CEP83: variants seen among roughly 807,000 people sequenced by gnomAD.
CEP83 encodes centrosomal protein of 83 kDa.
Under a neutral mutation model 101.9 loss-of-function variants are expected in CEP83, and 70 were observed. The ratio of observed to expected loss-of-function variants is 0.69; its 90% CI spans 0.57 to 0.84. The LOEUF (loss-of-function observed/expected upper bound fraction) is 0.84, where lower values mean the gene tolerates loss of function less well. Ranked by LOEUF, CEP83 falls within the 40% of genes least tolerant of loss-of-function variation. The pLI is 0.00. For missense variants in CEP83, 715 were observed against 787.2 expected (o/e 0.91, Z 1.10); for synonymous variants, 264 against 267.9 (o/e 0.99, Z 0.14).
chr12:94,416,582 A>C (rs796177816), intron 2 of CEP83, among the ~76,000 whole-genome samples: 4,696 of 151,748 alleles, frequency 0.031, 96 homozygotes, highest in East Asian at 0.083. Context: ...ACAAAAAAAA[A>C]AAAACTGTAG....
At chr12:94,303,682 A>C (rs545618932), downstream of CEP83, 15 of 1,273,288 alleles carry the variant, frequency 1.2e-5, no homozygotes, top group East Asian at 3.4e-4. Context: ...GAATATTATA[A>C]ATTCCTCCAT....
In CEP83 at chr12:94,316,325, G is replaced by A. The variant is rs568859806; in HGVS notation, c.1708-3308C>T. On this transcript the variant is annotated intron_variant, in intron 14 of 16. Transcript: ENST00000397809. ...TAACTAGTATTTGTTACTTGACTTC[G>A]TACTTAGAAATTTTAAAAATTCATA... Among the ~76,000 whole-genome samples, 33 of 152,082 alleles carry A rather than the reference G, an allele frequency of 2.2e-4. No individual in the cohort carries two copies. In the South Asian group the frequency reaches 3.3e-3, roughly 15 times the overall value.
At chr12:94,340,621 G>C (rs1290420401) in intron 11 of CEP83, among the ~76,000 whole-genome samples, 1 of 152,136 alleles carries the variant, frequency 6.6e-6, no homozygotes, top group East Asian at 1.9e-4. Flanking sequence ...ATTTTCAGTA[G>C]AGATGGGGTT....
At chr12:94,439,764 C>T (rs2066261265) in intron 1 of CEP83, among the ~76,000 whole-genome samples, 1 of 152,064 alleles carries the variant, frequency 6.6e-6, no homozygotes, top group South Asian at 2.1e-4. Context: ...ACCAATATCC[C>T]TGATGAACAT....
chr12:94,430,959 G>A (rs1416716150), intron 2 of CEP83, among the ~76,000 whole-genome samples: 2 of 152,198 alleles, frequency 1.3e-5, no homozygotes, highest in African/African-American at 4.8e-5. Context: ...GCAGGAGTAG[G>A]AGTAGCTATA....
chr12:94,395,211 G>A (rs2062810408), intron 6 of CEP83, among the ~76,000 whole-genome samples: 1 of 152,048 alleles, frequency 6.6e-6, no homozygotes, highest in South Asian at 2.1e-4. Flanking sequence ...GGGAGGGATA[G>A]CATTAGGAGA....
chr12:94,363,342 G>A (rs560476742), intron 11 of CEP83, among the ~76,000 whole-genome samples: 2 of 152,144 alleles, frequency 1.3e-5, no homozygotes, highest in South Asian at 2.1e-4. Flanking sequence ...CATGAAATAA[G>A]TGCTGGTGAA....
chr12:94,333,045 CAAAAAA>C (rs34900007), intron 13 of CEP83, among the ~76,000 whole-genome samples: 1 of 73,174 alleles, frequency 1.4e-5, no homozygotes, highest in East Asian at 4.2e-4. Context: ...ATTTTAAGAC[CAAAAAA>C]AAAAAAAAAA....
intron 11 of CEP83, among the ~76,000 whole-genome samples, chr12:94,355,455 C>A (rs1046402601): frequency 6.6e-6 from 1 of 152,078 alleles, no homozygotes; most frequent in Non-Finnish European, 1.5e-5. Flanking sequence ...CGCACCACTG[C>A]ACTCCAGCCT....
chr12:94,365,149 A>T (rs2060958416), intron 11 of CEP83, among the ~76,000 whole-genome samples: 1 of 152,194 alleles, frequency 6.6e-6, no homozygotes, highest in South Asian at 2.1e-4. Flanking sequence ...TTTAAAAAAA[A>T]TTTTTAAGCA....
At chr12:94,440,170 TG>T (rs2066294194) in intron 1 of CEP83, among the ~76,000 whole-genome samples, 2 of 152,074 alleles carry the variant, frequency 1.3e-5, no homozygotes, top group African/African-American at 4.8e-5. Flanking sequence ...AACACACTAC[TG>T]GAAGTCCTAG....
intron 4 of CEP83, 26 bp from the exon 5 acceptor site, chr12:94,403,288 T>C: frequency 1.0e-6 from 1 of 983,752 alleles, no homozygotes; most frequent in Non-Finnish European, 1.6e-6. Flanking sequence ...ATGCAAACAA[T>C]ATAAAATCAC....
chr12:94,291,979 T>C, the CEP83 span, among the ~76,000 whole-genome samples: 1 of 152,222 alleles, frequency 6.6e-6, no homozygotes, highest in African/African-American at 2.4e-5. Flanking sequence ...AATAGGACCA[T>C]ACAATATGTG....
At chr12:94,443,170 G>A (rs2066540661) in intron 1 of CEP83, among the ~76,000 whole-genome samples, 1 of 151,854 alleles carries the variant, frequency 6.6e-6, no homozygotes, top group Admixed American at 6.6e-5. Flanking sequence ...CTGCCCCACA[G>A]GACCCCTTTG....
At chr12:94,351,169 G>A (rs2060180205) in intron 11 of CEP83, among the ~76,000 whole-genome samples, 1 of 152,160 alleles carries the variant, frequency 6.6e-6, no homozygotes, top group Non-Finnish European at 1.5e-5. Flanking sequence ...AGAACCAAGA[G>A]AGACTCCCCA....
At chr12:94,269,064 T>C in the CEP83 span, among the ~76,000 whole-genome samples, 1 of 152,136 alleles carries the variant, frequency 6.6e-6, no homozygotes, top group Non-Finnish European at 1.5e-5. Flanking sequence ...GAAGGGACAT[T>C]TGCTTCACTT....
Position 94,373,391 on chromosome 12 carries a change from CAGAA to C in CEP83, c.933+2491_933+2494del, listed in dbSNP as rs1593498772. On this transcript the variant is annotated intron_variant, in intron 8 of 16. Transcript: ENST00000397809. ...GTATCTGTTAAAGTACACATACTCA[CAGAA>C]AGACACACAAGAGCACAGCATAAAT... is the stretch of plus-strand genomic sequence containing the variant. Among the ~76,000 whole-genome samples, 4 of 152,236 alleles carry C rather than the reference CAGAA, an allele frequency of 2.6e-5. No individual in the cohort carries two copies. The East Asian group carries it at 5.8e-4, about 22-fold the overall frequency.
intron 11 of CEP83, among the ~76,000 whole-genome samples, chr12:94,355,582 G>C (rs1481021138): frequency 6.6e-6 from 1 of 152,232 alleles, no homozygotes; most frequent in Non-Finnish European, 1.5e-5. Flanking sequence ...CTTACAAAAA[G>C]ATGTTGGGAG....
chr12:94,382,957 G>A (rs1038233198), intron 6 of CEP83, among the ~76,000 whole-genome samples: 2 of 151,926 alleles, frequency 1.3e-5, no homozygotes, highest in Non-Finnish European at 1.5e-5. Flanking sequence ...GTTGAGAGAG[G>A]GGTATGAAGT....
Sources: gnomAD v4.1 joint callset for allele counts (sites outside exome capture counted in the v4.1 genomes callset) on GRCh38, gnomAD v4.1.1 for gene constraint, MANE v1.5 for transcripts, NCBI Gene and HGNC (gene_info 2026-07-23, HGNC 2026-07-21) for gene names.